RGS6: variants seen among roughly 807,000 people sequenced by gnomAD.
RGS6 encodes the protein regulator of G protein signaling 6, also known as regulator of G-protein signaling 6.
RGS6 carries 30 observed loss-of-function variants against 78.5 expected under a neutral mutation model. The observed-to-expected ratio is 0.38, with a 90% CI of 0.29 to 0.52. RGS6 has a LOEUF of 0.52. Among genes scored for constraint, RGS6 ranks in the 20% least tolerant of loss-of-function variants. The probability of loss-of-function intolerance (pLI) is 0.85; values close to 1 mark genes in which losing one functional copy is unlikely to be tolerated. For synonymous variants in RGS6, 206 were observed against 206.0 expected, an observed-to-expected ratio of 1.00 and a Z score of 0.00; for missense variants, 495 against 609.7, an observed-to-expected ratio of 0.81 and a Z score of 1.98.
the RGS6 span, among the ~76,000 whole-genome samples, chr14:72,621,001 C>G: frequency 0.041 from 6,272 of 152,162 alleles, 232 homozygotes; most frequent in East Asian, 0.11. Flanking sequence ...ATTAGCCAGG[C>G]ATGGTGGCGT....
At chr14:72,401,943 T>A (rs949991967) in intron 3 of RGS6, among the ~76,000 whole-genome samples, 2 of 152,078 alleles carry the variant, frequency 1.3e-5, no homozygotes, top group African/African-American at 4.8e-5. Flanking sequence ...AAAAAGAAGA[T>A]TTTAAAAGGT....
chr14:72,502,428 T>C (rs1485756083), intron 13 of RGS6, among the ~76,000 whole-genome samples: 6 of 152,180 alleles, frequency 3.9e-5, no homozygotes. Flanking sequence ...GACTAATAAA[T>C]GGCTTTTTTA....
chr14:72,146,683 A>G (rs559548045), intron 2 of RGS6, among the ~76,000 whole-genome samples: 1 of 152,342 alleles, frequency 6.6e-6, no homozygotes, highest in African/African-American at 2.4e-5. Flanking sequence ...AAAGTCGTAA[A>G]TCTGGAGAAT....
At chr14:72,516,684 A>G (rs760344957) in intron 14 of RGS6, 2 of 152,692 alleles carry the variant, frequency 1.3e-5, no homozygotes, top group Non-Finnish European at 2.9e-5. Flanking sequence ...CCCTCACAGG[A>G]CCTGAAAGCA....
intron 2 of RGS6, among the ~76,000 whole-genome samples, chr14:72,155,175 G>A (rs552467209): frequency 6.6e-6 from 1 of 152,318 alleles, no homozygotes; most frequent in Admixed American, 6.5e-5. Context: ...GTCACAGCTG[G>A]GCTTTCTGGA....
intron 2 of RGS6, among the ~76,000 whole-genome samples, chr14:72,193,991 G>A (rs2153724012): frequency 6.6e-6 from 1 of 152,244 alleles, no homozygotes; most frequent in East Asian, 1.9e-4. Flanking sequence ...ATGCTTTAAA[G>A]GGACCATTCT....
intron 17 of RGS6, chr14:72,541,517 T>A: frequency 6.5e-7 from 1 of 1,535,744 alleles, no homozygotes. Context: ...TCTTCATGGC[T>A]GCTTTGCCAA....
chr14:72,414,066 G>A (rs968307457), intron 3 of RGS6, among the ~76,000 whole-genome samples: 13 of 152,224 alleles, frequency 8.5e-5, no homozygotes, highest in Non-Finnish European at 1.6e-4. Context: ...CTCTTCTCAA[G>A]GAGTATCTTT....
At chr14:71,971,542 G>C (rs2093805120) in intron 2 of RGS6, among the ~76,000 whole-genome samples, 1 of 152,144 alleles carries the variant, frequency 6.6e-6, no homozygotes. Context: ...CCTTGGGGTG[G>C]TTCCAGTTTG....
At chr14:72,243,445 G>C (rs1269549403) in intron 2 of RGS6, among the ~76,000 whole-genome samples, 1 of 151,310 alleles carries the variant, frequency 6.6e-6, no homozygotes, top group Non-Finnish European at 1.5e-5. Context: ...TGACAAGTGA[G>C]AAAATGGGTT....
At chr14:72,017,533 T>A (rs1380616395) in intron 2 of RGS6, among the ~76,000 whole-genome samples, 2 of 152,222 alleles carry the variant, frequency 1.3e-5, no homozygotes, top group Admixed American at 6.5e-5. Flanking sequence ...CATTGTATTA[T>A]AACATCAGAG....
At chr14:72,074,412 G>A (rs2094507836) in intron 2 of RGS6, among the ~76,000 whole-genome samples, 1 of 151,514 alleles carries the variant, frequency 6.6e-6, no homozygotes, top group Non-Finnish European at 1.5e-5. Context: ...TGCTCAGGCT[G>A]GTCTTGAACT....
chr14:72,036,263 CCGTTT>C (rs1341082351), intron 2 of RGS6, among the ~76,000 whole-genome samples: 44 of 143,486 alleles, frequency 3.1e-4, no homozygotes, highest in Middle Eastern at 3.5e-3. Context: ...TGAACATAAC[CCGTTT>C]TGTTTTGTTT....
intron 3 of RGS6, among the ~76,000 whole-genome samples, chr14:72,387,126 TATAC>T (rs1030218714): frequency 3.3e-5 from 5 of 152,108 alleles, no homozygotes; most frequent in African/African-American, 9.7e-5. Context: ...TATTTTGTAA[TATAC>T]ATATTAATAC....
At chr14:71,920,667 G>C in the RGS6 span, among the ~76,000 whole-genome samples, 4 of 152,178 alleles carry the variant, frequency 2.6e-5, no homozygotes, top group African/African-American at 9.7e-5. Context: ...ACTTGGGGCA[G>C]TTACCCTAAG....
At chr14:72,109,299 T>G (rs560816690) in intron 2 of RGS6, among the ~76,000 whole-genome samples, 1 of 152,306 alleles carries the variant, frequency 6.6e-6, no homozygotes, top group South Asian at 2.1e-4. Flanking sequence ...GTCTCCCAGT[T>G]TTGTTGTAAA....
intron 3 of RGS6, among the ~76,000 whole-genome samples, chr14:72,366,280 G>T (rs1200773359): frequency 6.6e-6 from 1 of 152,160 alleles, no homozygotes; most frequent in East Asian, 1.9e-4. Context: ...ATGCCTGTTG[G>T]TTCACCTGTG....
chr14:71,922,993 T>C, the RGS6 span, among the ~76,000 whole-genome samples: 3 of 152,230 alleles, frequency 2.0e-5, no homozygotes, highest in African/African-American at 7.2e-5. Context: ...AATAAGTTCC[T>C]GATCCCAGAA....
At chr14:72,379,340 G>A (rs2085482056) in intron 3 of RGS6, among the ~76,000 whole-genome samples, 2 of 151,594 alleles carry the variant, frequency 1.3e-5, no homozygotes, top group African/African-American at 4.8e-5. Flanking sequence ...CAGAGCAATT[G>A]GCAAAAAAAT....
Sources: allele counts gnomAD v4.1 joint callset (sites outside exome capture counted in the v4.1 genomes callset), GRCh38; gene constraint gnomAD v4.1.1; transcripts MANE v1.5; gene names NCBI Gene and HGNC (gene_info 2026-07-23, HGNC 2026-07-21).